SCAPER: variants seen among roughly 807,000 people sequenced by gnomAD.
SCAPER encodes S-phase cyclin A associated protein in the ER.
A neutral mutation model predicts 182.2 loss-of-function variants in SCAPER; 98 were observed. The observed-to-expected ratio is 0.54, with a 90% CI of 0.46 to 0.64. SCAPER has a LOEUF of 0.64. Among genes scored for constraint, SCAPER ranks in the 30% least tolerant of loss-of-function variants. The pLI, the probability that SCAPER is intolerant of heterozygous loss-of-function variation, is 0.00. For synonymous variants in SCAPER, 605 were observed against 564.6 expected (o/e 1.07, Z -1.01); for missense variants, 1,432 against 1,690.0 (o/e 0.85, Z 2.68).
Position 76,665,107 on chromosome 15 carries a change from T to C in SCAPER, c.2645+546A>G, listed in dbSNP as rs151141616. ...GTCATCAGATGACACTCAAAGCTTGTGAGGTAATGATGTACTACACAGCTG... is the reference window on the plus strand; with the variant it reads ...GTCATCAGATGACACTCAAAGCTTGCGAGGTAATGATGTACTACACAGCTG... On this transcript the variant is annotated intron_variant, in intron 21 of 31. Coordinates refer to ENST00000563290, the MANE Select transcript of SCAPER (RefSeq NM_020843.4). Among the ~76,000 whole-genome samples the C allele has an allele frequency of 4.4e-3, 677 of 152,248 alleles. 2 individuals carry two copies. The highest frequency in any genetic ancestry group is 0.017 in the Middle Eastern group (5 of 294).
At chr15:76,736,472 T>TC (rs2061272352) in intron 15 of SCAPER, among the ~76,000 whole-genome samples, 1 of 152,264 alleles carries the variant, frequency 6.6e-6, no homozygotes, top group Admixed American at 6.5e-5. Context: ...TAGTAGAGTT[T>TC]CTTTCAAAAT....
At chr15:76,690,405 G>T (rs2058289241) in intron 20 of SCAPER, among the ~76,000 whole-genome samples, 2 of 152,024 alleles carry the variant, frequency 1.3e-5, no homozygotes, top group South Asian at 2.1e-4. Context: ...AGAGTACCAA[G>T]GGGACATAGT....
At chr15:76,551,893 T>C (rs2045802537) in intron 23 of SCAPER, among the ~76,000 whole-genome samples, 1 of 152,036 alleles carries the variant, frequency 6.6e-6, no homozygotes, top group African/African-American at 2.4e-5. Context: ...TACATGTCTG[T>C]TGCTTGGTCA....
intron 15 of SCAPER, among the ~76,000 whole-genome samples, chr15:76,752,123 T>C (rs1014621495): frequency 8.0e-5 from 12 of 149,572 alleles, no homozygotes; most frequent in African/African-American, 2.4e-4. Context: ...AATAAGCACA[T>C]GAAAAGATGC....
chr15:76,619,875 C>G (rs1432356367), intron 22 of SCAPER, among the ~76,000 whole-genome samples: 1 of 152,040 alleles, frequency 6.6e-6, no homozygotes, highest in Non-Finnish European at 1.5e-5. Context: ...CGCAGGAGTT[C>G]GAGACCAGCC....
intron 26 of SCAPER, among the ~76,000 whole-genome samples, chr15:76,429,962 C>A (rs2046754615): frequency 6.6e-6 from 1 of 152,130 alleles, no homozygotes; most frequent in Non-Finnish European, 1.5e-5. Flanking sequence ...AGGCTCAGGG[C>A]TCCCCTGCTC....
chr15:76,890,905 T>C (rs944780747), intron 1 of SCAPER, among the ~76,000 whole-genome samples: 1 of 152,170 alleles, frequency 6.6e-6, no homozygotes, highest in Non-Finnish European at 1.5e-5. Context: ...TGAACATTGA[T>C]GCAAAAATCC....
chr15:76,441,799 C>T (rs1488332242), intron 25 of SCAPER, among the ~76,000 whole-genome samples: 2 of 152,158 alleles, frequency 1.3e-5, no homozygotes, highest in Non-Finnish European at 2.9e-5. Context: ...TAGTTACCTC[C>T]TGACATACTG....
chr15:76,685,095 T>C (rs1382122254), intron 20 of SCAPER, among the ~76,000 whole-genome samples: 1 of 152,004 alleles, frequency 6.6e-6, no homozygotes, highest in African/African-American at 2.4e-5. Flanking sequence ...TATTAGGAAA[T>C]AAATATGTCA....
intron 25 of SCAPER, among the ~76,000 whole-genome samples, chr15:76,444,878 C>A (rs2047884889): frequency 6.6e-6 from 1 of 152,188 alleles, no homozygotes; most frequent in Non-Finnish European, 1.5e-5. Flanking sequence ...TTGATTCTTT[C>A]ATCCTTTCTC....
At position 76,529,046 on chromosome 15, in the gene SCAPER, TTTG is replaced by T. The variant is rs1277756312; in HGVS notation, c.2839-24075_2839-24073del. ...CTGGATTTATGTGCTCTTATAGAAC[TTTG>T]TTGTTGTTGTTTGAGACAGGGTGTT... On this transcript the variant is annotated intron_variant, in intron 23 of 31. Coordinates refer to ENST00000563290, the MANE Select transcript of SCAPER (RefSeq NM_020843.4). Among the ~76,000 whole-genome samples, 8 of 152,360 alleles carry T rather than the reference TTTG, an allele frequency of 5.3e-5. No individual in the cohort carries two copies. The South Asian group carries it at 1.2e-3, about 24-fold the overall frequency.
intron 4 of SCAPER, among the ~76,000 whole-genome samples, chr15:76,848,004 T>A (rs2070292156): frequency 6.6e-6 from 1 of 152,160 alleles, no homozygotes; most frequent in African/African-American, 2.4e-5. Flanking sequence ...AGTACAAAAA[T>A]AAAGACTTTT....
chr15:76,647,709 T>C lies in SCAPER; in HGVS notation c.2645+17944A>G, dbSNP rs73457079. Among the ~76,000 whole-genome samples the C allele has an allele frequency of 4.3e-3, 656 of 152,222 alleles. 6 individuals carry two copies. The highest frequency in any genetic ancestry group is 0.015 in the African/African-American group (625 of 41,534). Reference sequence around the variant, plus strand: ...AGAATCTCCAAAACTGGGGAAAAAATAACTATCCAGGAACTGTAAGCTGAA... The same window carrying C: ...AGAATCTCCAAAACTGGGGAAAAAACAACTATCCAGGAACTGTAAGCTGAA... On this transcript the variant is annotated intron_variant, in intron 21 of 31. Transcript: ENST00000563290.
At position 76,473,513 on chromosome 15, in the gene SCAPER, C is replaced by T. The variant is rs998024844; in HGVS notation, c.2955-2178G>A. 2.0e-5 allele frequency among the ~76,000 whole-genome samples: 3 copies of T among 152,182 alleles called. No homozygotes were observed. The South Asian group carries it at 6.2e-4, about 32-fold the overall frequency. ...CCAACGTTTATTTTGGCCTGTCTGA[C>T]TAAATCTCCTGCTTAAGTTCTAGGT... On this transcript the variant is annotated intron_variant, in intron 24 of 31. Transcript: ENST00000563290.
chr15:76,475,956 C>T (rs2050593150), intron 24 of SCAPER, among the ~76,000 whole-genome samples: 1 of 152,212 alleles, frequency 6.6e-6, no homozygotes, highest in South Asian at 2.1e-4. Flanking sequence ...CCCCCAGCCT[C>T]ATCTTAGAAA....
At chr15:76,773,614 A>G (rs955782859) in intron 9 of SCAPER, among the ~76,000 whole-genome samples, 1 of 151,946 alleles carries the variant, frequency 6.6e-6, no homozygotes, top group Non-Finnish European at 1.5e-5. Flanking sequence ...AGCAACATAA[A>G]ATACTGCCCA....
intron 5 of SCAPER, among the ~76,000 whole-genome samples, chr15:76,829,505 G>A (rs533799653): frequency 6.6e-6 from 1 of 152,018 alleles, no homozygotes; most frequent in Non-Finnish European, 1.5e-5. Context: ...TCACTATCAG[G>A]CTTCTCTTAT....
At chr15:76,885,254 A>G (rs1313374101) in intron 1 of SCAPER, among the ~76,000 whole-genome samples, 1 of 152,172 alleles carries the variant, frequency 6.6e-6, no homozygotes, top group Admixed American at 6.5e-5. Flanking sequence ...TCGGAGGAAA[A>G]GCCAAAGTCC....
intron 22 of SCAPER, among the ~76,000 whole-genome samples, chr15:76,615,492 GACACACAC>G (rs200914871): frequency 0.064 from 9,038 of 140,608 alleles, 307 homozygotes; most frequent in African/African-American, 0.1. Flanking sequence ...CACACACACA[GACACACAC>G]ACACACACAC....
Sources: allele counts gnomAD v4.1 joint callset (sites outside exome capture counted in the v4.1 genomes callset), GRCh38; gene constraint gnomAD v4.1.1; transcripts MANE v1.5; gene names NCBI Gene and HGNC (gene_info 2026-07-23, HGNC 2026-07-21).